SPOCK1: variants seen among roughly 807,000 people sequenced by gnomAD.
SPOCK1 encodes testican-1.
A neutral mutation model predicts 55.3 loss-of-function variants in SPOCK1; 23 were observed. The ratio of observed to expected loss-of-function variants is 0.42; its 90% CI spans 0.30 to 0.59. SPOCK1 has a LOEUF of 0.59. Ranked by LOEUF, SPOCK1 falls within the 20% of genes least tolerant of loss-of-function variation. The probability of loss-of-function intolerance (pLI) is 0.22; values close to 1 mark genes in which losing one functional copy is unlikely to be tolerated. For missense variants in SPOCK1, 499 were observed against 552.5 expected, an observed-to-expected ratio of 0.90 and a Z score of 0.97; for synonymous variants, 226 against 221.0, an observed-to-expected ratio of 1.02 and a Z score of -0.20.
chr5:137,006,115 G>A (rs1424270275), intron 6 of SPOCK1, among the ~76,000 whole-genome samples: 1 of 152,224 alleles, frequency 6.6e-6, no homozygotes, highest in Non-Finnish European at 1.5e-5. Flanking sequence ...AAGCCTTGTA[G>A]TATAGTTTGA....
At chr5:137,171,148 C>A (rs189407908) in intron 3 of SPOCK1, among the ~76,000 whole-genome samples, 1 of 152,140 alleles carries the variant, frequency 6.6e-6, no homozygotes, top group Non-Finnish European at 1.5e-5. Flanking sequence ...TCAATGCACC[C>A]GAGACTACAT....
chr5:137,039,075 A>G (rs1189524263), intron 6 of SPOCK1, among the ~76,000 whole-genome samples: 7 of 152,130 alleles, frequency 4.6e-5, no homozygotes, highest in Non-Finnish European at 1.5e-5. Context: ...TATAAGCTGG[A>G]TCCCATTCCA....
chr5:137,272,277 G>A (rs139851820), intron 2 of SPOCK1, among the ~76,000 whole-genome samples: 121 of 152,290 alleles, frequency 7.9e-4, no homozygotes, highest in African/African-American at 2.6e-3. Context: ...GGGGGGAATA[G>A]GAAGAAGATC....
At chr5:137,223,308 G>GAAA (rs5871626) in intron 3 of SPOCK1, among the ~76,000 whole-genome samples, 75 of 141,642 alleles carry the variant, frequency 5.3e-4, no homozygotes, top group African/African-American at 1.8e-3. Context: ...GCTATAACAT[G>GAAA]AAAAAAAAAA....
intron 3 of SPOCK1, among the ~76,000 whole-genome samples, chr5:137,200,650 T>C (rs1358418126): frequency 1.3e-5 from 2 of 152,212 alleles, no homozygotes; most frequent in African/African-American, 2.4e-5. Context: ...TCAATTTTAA[T>C]TTTTTTATTT....
At chr5:137,083,300 A>T (rs1243935788) in intron 5 of SPOCK1, among the ~76,000 whole-genome samples, 1 of 152,204 alleles carries the variant, frequency 6.6e-6, no homozygotes, top group African/African-American at 2.4e-5. Context: ...CGGGAGCCAC[A>T]TTGCTGACTC....
At chr5:136,979,509 A>G (rs1750684048) in intron 9 of SPOCK1, 40 bp from the exon 10 acceptor site, 1 of 1,511,128 alleles carries the variant, frequency 6.6e-7, no homozygotes, top group African/African-American at 1.7e-5. Flanking sequence ...AGAGACATGC[A>G]GATGATACTC....
chr5:137,113,996 C>A (rs1252601113), intron 4 of SPOCK1, among the ~76,000 whole-genome samples: 1 of 152,094 alleles, frequency 6.6e-6, no homozygotes, highest in African/African-American at 2.4e-5. Context: ...TAATTTGGTT[C>A]TTATTCTACC....
chr5:137,135,969 A>G (rs139176932), intron 4 of SPOCK1, among the ~76,000 whole-genome samples: 271 of 152,330 alleles, frequency 1.8e-3, no homozygotes, highest in African/African-American at 6.2e-3. Context: ...GAGTCTTTAA[A>G]TGCACATATG....
chr5:137,258,153 G>A lies in SPOCK1; in HGVS notation c.232+8857C>T, dbSNP rs1414830148. On this transcript the variant is annotated intron_variant, in intron 3 of 10. Coordinates refer to ENST00000394945, the MANE Select transcript of SPOCK1 (RefSeq NM_004598.4). ...AGGAGTTTTACCCCTCATGCCACATGTGTAATAAATGTCATAATTTCTATG... is the reference window on the plus strand; with the variant it reads ...AGGAGTTTTACCCCTCATGCCACATATGTAATAAATGTCATAATTTCTATG... Among the ~76,000 whole-genome samples, 5 of 152,296 alleles carry A rather than the reference G, an allele frequency of 3.3e-5. No homozygotes were observed. The East Asian group carries it at 7.7e-4, about 23-fold the overall frequency.
At chr5:136,999,136 C>T (rs906818446) in intron 6 of SPOCK1, among the ~76,000 whole-genome samples, 2 of 152,128 alleles carry the variant, frequency 1.3e-5, no homozygotes, top group Non-Finnish European at 2.9e-5. Context: ...GCTTGGAGTG[C>T]AGCATGAGGA....
chr5:136,983,619 C>CAAAAAAAAAAAAAAAAAAAA (rs11364379), intron 9 of SPOCK1, among the ~76,000 whole-genome samples: 1 of 135,340 alleles, frequency 7.4e-6, no homozygotes. Flanking sequence ...CTCCTTGGAC[C>CAAAAAAAAAAAAAAAAAAAA]AAAAAAAAAA....
At chr5:137,084,762 T>C (rs1181941972) in intron 5 of SPOCK1, among the ~76,000 whole-genome samples, 3 of 152,014 alleles carry the variant, frequency 2.0e-5, no homozygotes, top group African/African-American at 4.8e-5. Flanking sequence ...GAAACTCTAT[T>C]AGATCCTTTA....
intron 3 of SPOCK1, among the ~76,000 whole-genome samples, chr5:137,253,248 C>T (rs932138700): frequency 5.9e-5 from 9 of 152,230 alleles, no homozygotes; most frequent in African/African-American, 2.2e-4. Flanking sequence ...GAAACTGAAG[C>T]TCTACAATGA....
intron 3 of SPOCK1, among the ~76,000 whole-genome samples, chr5:137,149,834 G>A (rs1026035760): frequency 4.6e-5 from 7 of 152,184 alleles, no homozygotes; most frequent in Admixed American, 6.5e-5. Flanking sequence ...ATGTAAGTTT[G>A]AGAGGAGAGA....
chr5:137,163,497 G>T (rs1175112555), intron 3 of SPOCK1, among the ~76,000 whole-genome samples: 3 of 152,256 alleles, frequency 2.0e-5, no homozygotes, highest in East Asian at 3.9e-4. Flanking sequence ...TCATTACTAG[G>T]CAATGAAAGA....
chr5:137,438,199 C>T (rs1444924938), intron 2 of SPOCK1, among the ~76,000 whole-genome samples: 1 of 151,818 alleles, frequency 6.6e-6, no homozygotes, highest in Non-Finnish European at 1.5e-5. Context: ...GGAGGGAGAC[C>T]AGAAACTGGG....
chr5:137,407,254 T>C (rs768601288), intron 2 of SPOCK1, among the ~76,000 whole-genome samples: 1 of 152,350 alleles, frequency 6.6e-6, no homozygotes, highest in African/African-American at 2.4e-5. Flanking sequence ...TTTAGAGCAA[T>C]TGATCTTTTT....
rs1324442972 is a variant in SPOCK1 at position 136,978,386 on chromosome 5, AAAGG to A, written c.*264_*267del. The A allele has an allele frequency of 2.6e-6, 1 of 384,748 alleles. No homozygotes were observed. 23.8% of individuals were successfully genotyped at this position (384,748 alleles called of 1,614,324 possible). On this transcript the variant is annotated 3_prime_UTR_variant, in exon 11 of 11. Transcript: ENST00000394945. ...CATGCTTGTTGGAAAAATCTCACAGAAAGGAAGGAGGCTCTAATTAAGCCAATGA... is the reference window on the plus strand; with the variant it reads ...CATGCTTGTTGGAAAAATCTCACAGAAAGGAGGCTCTAATTAAGCCAATGA...
Sources: gnomAD v4.1 joint callset for allele counts (sites outside exome capture counted in the v4.1 genomes callset) on GRCh38, gnomAD v4.1.1 for gene constraint, MANE v1.5 for transcripts, NCBI Gene and HGNC (gene_info 2026-07-23, HGNC 2026-07-21) for gene names.